Variants in RIMBP2 observed in about 807,000 individuals in gnomAD.
RIMBP2 encodes RIMS-binding protein 2.
A neutral mutation model predicts 118.6 loss-of-function variants in RIMBP2; 48 were observed. That is an observed-to-expected ratio of 0.40 (90% CI 0.32 to 0.51). The LOEUF is 0.51. RIMBP2 is among the 20% of genes least tolerant of loss of function. The probability of loss-of-function intolerance (pLI) is 0.41; values close to 1 mark genes in which losing one functional copy is unlikely to be tolerated. For synonymous variants in RIMBP2, 762 were observed against 742.9 expected (o/e 1.03, Z -0.42); for missense variants, 1,551 against 1,768.3 (o/e 0.88, Z 2.20).
chr12:130,467,809 C>T (rs958353713), intron 6 of RIMBP2, among the ~76,000 whole-genome samples: 2 of 152,124 alleles, frequency 1.3e-5, no homozygotes, highest in African/African-American at 4.8e-5. Context: ...CAAGCTGTAC[C>T]CAGACAGCCT....
At chr12:130,504,594 C>G (rs1052972415) in intron 4 of RIMBP2, among the ~76,000 whole-genome samples, 2 of 152,146 alleles carry the variant, frequency 1.3e-5, no homozygotes, top group Non-Finnish European at 2.9e-5. Flanking sequence ...CAGAAAGGCA[C>G]GCAGTCCTGC....
At chr12:130,496,339 T>G (rs1724463614) in intron 4 of RIMBP2, among the ~76,000 whole-genome samples, 1 of 152,154 alleles carries the variant, frequency 6.6e-6, no homozygotes, top group African/African-American at 2.4e-5. Context: ...CCTACCACCA[T>G]GATTGTGAGG....
intron 1 of RIMBP2, among the ~76,000 whole-genome samples, chr12:130,676,887 GA>G (rs1369686936): frequency 2.0e-5 from 3 of 152,152 alleles, no homozygotes; most frequent in Non-Finnish European, 4.4e-5. Context: ...CCTGCCAGGG[GA>G]CAGGAGGGAA....
At position 130,414,197 on chromosome 12, in the gene RIMBP2, G is replaced by T; in HGVS notation, c.3348C>A (p.Asp1116Glu). Residue 1116 changes from aspartate to glutamate, a missense_variant, in exon 18 of 23, where the codon GAC (aspartate) becomes GAA (glutamate). Transcript: ENST00000690449. ...CTGGGTTTGGGGACATGGTGAGCGG[G>T]TCGTAGTCAAAGAGAGCCACAAAGA... Reference protein sequence around the residue: ...ARIFVALFDYDPLTMSPNPDA... With the variant: ...ARIFVALFDYEPLTMSPNPDA... The T allele has an allele frequency of 6.2e-7, 1 of 1,614,204 alleles. No individual in the cohort carries two copies. Among genetic ancestry groups the T allele is most frequent in the Non-Finnish European group, 8.5e-7 (1 of 1,180,050 alleles).
In RIMBP2 at chr12:130,412,672, T is replaced by C; in HGVS notation, c.3536A>G (p.Asp1179Gly). Residue 1179 changes from aspartate to glycine, a missense_variant, in exon 19 of 23, where the codon GAT (aspartate) becomes GGT (glycine). Physicochemically the swap from Asp to Gly is moderately conservative, Grantham distance 94. Transcript: ENST00000690449. ...GAGAAAGCCCTGTCTAAGAAGCTGA[T>C]CCATCATCTCCTCATCATCTGCTTG... The part of the protein sequence containing the change: ...EIQADDEEMM[D>G]QLLRQGFLPL... 1 of 1,613,918 alleles carries C rather than the reference T, an allele frequency of 6.2e-7. No individual in the cohort carries two copies. Among genetic ancestry groups the C allele is most frequent in the East Asian group, 2.2e-5 (1 of 44,810 alleles).
intron 3 of RIMBP2, among the ~76,000 whole-genome samples, chr12:130,515,221 A>G (rs547927456): frequency 9.9e-5 from 15 of 152,280 alleles, no homozygotes; most frequent in Admixed American, 9.2e-4. Flanking sequence ...TACACATTAC[A>G]TAAAATTTAC....
intron 1 of RIMBP2, among the ~76,000 whole-genome samples, chr12:130,655,884 C>T (rs1334823428): frequency 2.0e-5 from 3 of 152,206 alleles, no homozygotes; most frequent in African/African-American, 7.2e-5. Flanking sequence ...GGCGGAGGCA[C>T]CACGCAGCCC....
intron 1 of RIMBP2, among the ~76,000 whole-genome samples, chr12:130,679,941 C>T (rs944074795): frequency 3.3e-5 from 5 of 149,394 alleles, no homozygotes; most frequent in Non-Finnish European, 4.4e-5. Flanking sequence ...GGGAAGGACC[C>T]GTGAGTGTGA....
At chr12:130,486,256 A>G (rs921129691) in intron 4 of RIMBP2, among the ~76,000 whole-genome samples, 1 of 152,096 alleles carries the variant, frequency 6.6e-6, no homozygotes, top group Admixed American at 6.5e-5. Context: ...ACCCGACACC[A>G]GGGCTGCTCC....
At position 130,434,843 on chromosome 12, in the gene RIMBP2, G is replaced by A. The variant is rs371234096; in HGVS notation, c.2144C>T (p.Ala715Val). The A allele has an allele frequency of 2.4e-5, 39 of 1,612,682 alleles. No homozygotes were observed. The highest frequency in any genetic ancestry group is 1.2e-4 in the African/African-American group (9 of 74,836). The change falls in exon 14 of 23, where the codon GCG (alanine) becomes GTG (valine). Residue 715 changes from alanine (A) to valine (V), a missense_variant. Transcript: ENST00000690449. This position sits in a 1 kb window ranked among gnomAD's most constrained non-coding sequence, Gnocchi z 5.7. ...KRSVFLERSS[A>V]GQYAASDEED... Reference sequence around the variant, plus strand: ...CTCGTCTGAGGCGGCGTACTGCCCCGCGCTGCTTCTCTCTAGGAAGACGCT... The same window carrying A: ...CTCGTCTGAGGCGGCGTACTGCCCCACGCTGCTTCTCTCTAGGAAGACGCT...
At chr12:130,549,513 C>T (rs1438976916) in intron 2 of RIMBP2, among the ~76,000 whole-genome samples, 1 of 152,116 alleles carries the variant, frequency 6.6e-6, no homozygotes, top group Non-Finnish European at 1.5e-5. Context: ...CTCCTCCCAC[C>T]CTCCACCCTC....
chr12:130,696,840 T>C (rs534677346), intron 1 of RIMBP2, among the ~76,000 whole-genome samples: 1 of 152,340 alleles, frequency 6.6e-6, no homozygotes, highest in Non-Finnish European at 1.5e-5. Flanking sequence ...GCACTGTATC[T>C]GGTCAGAGAA....
intron 2 of RIMBP2, among the ~76,000 whole-genome samples, chr12:130,569,717 C>T (rs903819676): frequency 7.9e-5 from 12 of 152,184 alleles, no homozygotes; most frequent in South Asian, 2.1e-4. Context: ...CTGTGCAAGA[C>T]GCCTGTTCCC....
chr12:130,451,693 C>T (rs974230817), intron 7 of RIMBP2, among the ~76,000 whole-genome samples: 2 of 151,590 alleles, frequency 1.3e-5, no homozygotes, highest in African/African-American at 4.9e-5. Context: ...CCGCAAACCT[C>T]CTGCACCTGC....
chr12:130,442,575 C>A lies in RIMBP2; in HGVS notation c.777G>T (p.Thr259=). The A allele has an allele frequency of 6.2e-7, 1 of 1,614,184 alleles. No homozygotes were observed. Among genetic ancestry groups the A allele is most frequent in the Non-Finnish European group, 8.5e-7 (1 of 1,180,038 alleles). The change falls in exon 11 of 23, where the codon ACG becomes ACT. Residue 259 remains threonine (T), a synonymous_variant. Coordinates refer to ENST00000690449, the MANE Select transcript of RIMBP2 (RefSeq NM_001393629.1). This position sits in a 1 kb window ranked among gnomAD's most constrained non-coding sequence, Gnocchi z 6.9. ...VQDNESRLAS[T]LGNEQDQNFI... is the part of the protein sequence containing the mutation. Reference sequence around the variant, plus strand: ...AGTTCTGATCCTGCTCGTTCCCCAGCGTGCTTGCCAACCGCGACTCGTTGT... The same window carrying A: ...AGTTCTGATCCTGCTCGTTCCCCAGAGTGCTTGCCAACCGCGACTCGTTGT...
rs928436107 is a variant in RIMBP2 at position 130,447,418 on chromosome 12, G to A, written c.582-2149C>T. 1.3e-5 allele frequency among the ~76,000 whole-genome samples: 2 copies of A among 152,300 alleles called. No individual in the cohort carries two copies. The highest frequency in any genetic ancestry group is 1.3e-4 in the Admixed American group (2 of 15,302). ...ACGTACTGTGTGGATGAGACCAGGG[G>A]ACACGTCGGGAATGGGGACTCAACA... On this transcript the variant is annotated intron_variant, in intron 9 of 22. Transcript: ENST00000690449. The surrounding 1 kb of genome is among the most constrained non-coding windows in gnomAD (Gnocchi z 4.4).
At position 130,486,346 on chromosome 12, in the gene RIMBP2, G is replaced by A. The variant is rs74832587; in HGVS notation, c.-3-7330C>T. On this transcript the variant is annotated intron_variant, in intron 4 of 22. Coordinates refer to ENST00000690449, the MANE Select transcript of RIMBP2 (RefSeq NM_001393629.1). ...CCCCTGACCTCTGCAATGACCTCCC[G>A]CTGATCTCTAAATCCTGGAGGGGCC... Among the ~76,000 whole-genome samples, 1,244 of 152,178 alleles carry A rather than the reference G, an allele frequency of 8.2e-3. 19 individuals are homozygous for A. The highest frequency in any genetic ancestry group is 0.028 in the African/African-American group (1,148 of 41,512).
At chr12:130,543,840 C>A (rs1205337637) in intron 2 of RIMBP2, among the ~76,000 whole-genome samples, 1 of 152,062 alleles carries the variant, frequency 6.6e-6, no homozygotes, top group Non-Finnish European at 1.5e-5. Context: ...TTCCTTACTG[C>A]CAATTTAACA....
chr12:130,590,796 T>C (rs1022414498), intron 2 of RIMBP2, among the ~76,000 whole-genome samples: 2 of 152,174 alleles, frequency 1.3e-5, no homozygotes, highest in African/African-American at 4.8e-5. Context: ...AAGCCCAGGA[T>C]GGCAAGGACT....
Sources: gnomAD v4.1 joint callset for allele counts (sites outside exome capture counted in the v4.1 genomes callset) on GRCh38, gnomAD v4.1.1 for gene constraint, Gnocchi (gnomAD v3.1) non-coding constraint, MANE v1.5 for transcripts, NCBI Gene and HGNC (gene_info 2026-07-23, HGNC 2026-07-21) for gene names.